MRPS25: variants seen among roughly 807,000 people sequenced by gnomAD.
MRPS25 encodes mitochondrial ribosomal protein S25.
MRPS25 carries 15 observed loss-of-function variants against 17.3 expected under a neutral mutation model. The observed-to-expected ratio is 0.87, with a 90% CI of 0.58 to 1.34. The LOEUF (loss-of-function observed/expected upper bound fraction) is 1.34, where lower values mean the gene tolerates loss of function less well. Among genes scored for constraint, MRPS25 ranks in the 40% most tolerant of loss-of-function variants. MRPS25 has a pLI of 0.00. For missense variants in MRPS25, 225 were observed against 218.6 expected (o/e 1.03, Z -0.19); for synonymous variants, 94 against 83.3 (o/e 1.13, Z -0.70).
At position 15,050,876 on chromosome 3, in the gene MRPS25, T is replaced by C. The variant is rs2042594243; in HGVS notation, c.*1565A>G. The C allele has an allele frequency of 1.0e-6, 1 of 985,260 alleles. No individual in the cohort carries two copies. 61.0% of individuals were successfully genotyped at this position (985,260 alleles called of 1,614,324 possible). On this transcript the variant is annotated 3_prime_UTR_variant, in exon 4 of 4. Transcript: ENST00000253686. ...ATCTGCTCAATTTAATGTGATAATC[T>C]CCAACAGTTAATGAAACACATCGTA...
In MRPS25 at chr3:15,052,290, CT is replaced by C. The variant is rs2042615551; in HGVS notation, c.*150del. 5 of 1,422,348 alleles carry C rather than the reference CT, an allele frequency of 3.5e-6. No homozygotes were observed. The highest frequency in any genetic ancestry group is 4.6e-6 in the Non-Finnish European group (5 of 1,089,748). 88.1% of individuals were successfully genotyped at this position (1,422,348 alleles called of 1,614,324 possible). A position where few individuals can be genotyped will look rare whatever the true frequency, so the allele number is the denominator to read the frequency against. ...GCTTCAGACCCTCCTCTCCCACATC[CT>C]TTTACACAGGTGTGTAAAGTCCTTT... On this transcript the variant is annotated 3_prime_UTR_variant, in exon 4 of 4. Transcript: ENST00000253686.
chr3:15,059,652 C>T (rs1457014585), intron 1 of MRPS25, among the ~76,000 whole-genome samples, 177 bp from the exon 2 acceptor site: 1 of 152,080 alleles, frequency 6.6e-6, no homozygotes. Flanking sequence ...GCGTGGGGAC[C>T]CCTGGGCAGG....
chr3:15,044,906 ATTC>A (rs2125112956), downstream of MRPS25: 1 of 152,328 alleles, frequency 6.6e-6, no homozygotes, highest in South Asian at 2.1e-4. Context: ...CAACTTCTAA[ATTC>A]TTGTTTGGAT....
In MRPS25 at chr3:15,051,079, ATTC is replaced by A; in HGVS notation, c.*1359_*1361del. ...TGTCAAGCACCACTGTCCTTTTTTA[ATTC>A]TTTTAACCACTGCCTTCCTGTCTCA... On this transcript the variant is annotated 3_prime_UTR_variant, in exon 4 of 4. Coordinates refer to ENST00000253686, the MANE Select transcript of MRPS25 (RefSeq NM_022497.5). The A allele has an allele frequency of 1.0e-6, 1 of 985,222 alleles. No individual in the cohort carries two copies. The highest frequency in any genetic ancestry group is 1.2e-6 in the Non-Finnish European group (1 of 829,758). 61.0% of individuals were successfully genotyped at this position (985,222 alleles called of 1,614,324 possible). A position where few individuals can be genotyped will look rare whatever the true frequency, so the allele number is the denominator to read the frequency against.
chr3:15,051,428 C>G lies in MRPS25; in HGVS notation c.*1013G>C. The G allele has an allele frequency of 1.1e-6, 1 of 898,588 alleles. No homozygotes were observed. The highest frequency in any genetic ancestry group is 1.3e-6 in the Non-Finnish European group (1 of 750,788). The allele number at this position is 898,588 out of a possible 1,614,324, so 55.7% of individuals were successfully genotyped here. On this transcript the variant is annotated 3_prime_UTR_variant, in exon 4 of 4. Transcript: ENST00000253686. Reference sequence around the variant, plus strand: ...CGAACTCCTGGGCTCAACTATCCGCCCACATCAGCCTCCCAAAGTGCTGGG... The same window carrying G: ...CGAACTCCTGGGCTCAACTATCCGCGCACATCAGCCTCCCAAAGTGCTGGG...
intron 2 of MRPS25, among the ~76,000 whole-genome samples, chr3:15,054,629 T>C (rs1184079581): frequency 3.3e-5 from 5 of 152,012 alleles, no homozygotes; most frequent in South Asian, 2.1e-4. Context: ...CAGGAGAAAA[T>C]TGTCATGACC....
At chr3:15,055,703 G>A (rs556406256) in intron 2 of MRPS25, among the ~76,000 whole-genome samples, 1 of 152,114 alleles carries the variant, frequency 6.6e-6, no homozygotes, top group Admixed American at 6.5e-5. Flanking sequence ...ACTCAACCTC[G>A]GCAACAGTGA....
rs2042577088 is a variant in MRPS25 at position 15,049,832 on chromosome 3, C to G, written c.*2609G>C. ...TGCAGTGGTACAGTCATGGCTCACTCCAGCCTCAACCTCCTGGGCTCAAGT... is the reference window on the plus strand; with the variant it reads ...TGCAGTGGTACAGTCATGGCTCACTGCAGCCTCAACCTCCTGGGCTCAAGT... On this transcript the variant is annotated 3_prime_UTR_variant, in exon 4 of 4. Coordinates refer to ENST00000253686, the MANE Select transcript of MRPS25 (RefSeq NM_022497.5). 1 of 1,165,554 alleles carries G rather than the reference C, an allele frequency of 8.6e-7. No individual in the cohort carries two copies. The highest frequency in any genetic ancestry group is 1.5e-5 in the African/African-American group (1 of 65,318). 72.2% of individuals were successfully genotyped at this position (1,165,554 alleles called of 1,614,324 possible).
Position 15,065,197 on chromosome 3 carries a change from C to A in MRPS25, c.-3G>T. The A allele has an allele frequency of 6.3e-7, 1 of 1,592,272 alleles. No homozygotes were observed. The highest frequency in any genetic ancestry group is 8.5e-7 in the Non-Finnish European group (1 of 1,170,690). On this transcript the variant is annotated 5_prime_UTR_variant, in exon 1 of 4. Transcript: ENST00000253686. Reference sequence around the variant, plus strand: ...GGGAAGCGGCCCTTCATGGGCATGGCGGCAACGGTGGCGGGGCCGACCCCA... The same window carrying A: ...GGGAAGCGGCCCTTCATGGGCATGGAGGCAACGGTGGCGGGGCCGACCCCA...
chr3:15,054,328 A>C (rs1298206719), intron 2 of MRPS25, among the ~76,000 whole-genome samples: 1 of 152,252 alleles, frequency 6.6e-6, no homozygotes, highest in African/African-American at 2.4e-5. Context: ...CAATGAAGAA[A>C]GATAATCGTT....
rs753966063 is a variant in MRPS25, at chr3:15,065,228, C to G, written c.-34G>C. ...CGGTGGCGGGGCCGACCCCACGGGC[C>G]GCGAGCCGAGCAGCGACGAGAAAGG... On this transcript the variant is annotated 5_prime_UTR_variant, in exon 1 of 4. Coordinates refer to ENST00000253686, the MANE Select transcript of MRPS25 (RefSeq NM_022497.5). The G allele has an allele frequency of 6.4e-7, 1 of 1,553,482 alleles. No individual in the cohort carries two copies. The highest frequency in any genetic ancestry group is 2.4e-5 in the East Asian group (1 of 41,516).
chr3:15,051,259 C>A lies in MRPS25; in HGVS notation c.*1182G>T. The A allele has an allele frequency of 1.1e-6, 1 of 875,858 alleles. No individual in the cohort carries two copies. The highest frequency in any genetic ancestry group is 5.2e-5 in the South Asian group (1 of 19,154). 54.3% of individuals were successfully genotyped at this position (875,858 alleles called of 1,614,324 possible). On this transcript the variant is annotated 3_prime_UTR_variant, in exon 4 of 4. Coordinates refer to ENST00000253686, the MANE Select transcript of MRPS25 (RefSeq NM_022497.5). ...AGTGCAGTAGCGCACGATCATGATTCACTGCAGCCTTGATCTCGCAGGCTC... is the reference window on the plus strand; with the variant it reads ...AGTGCAGTAGCGCACGATCATGATTAACTGCAGCCTTGATCTCGCAGGCTC...
At position 15,051,063 on chromosome 3, in the gene MRPS25, C is replaced by T. The variant is rs557593458; in HGVS notation, c.*1378G>A. The T allele has an allele frequency of 1.0e-6, 1 of 984,028 alleles. No homozygotes were observed. Among genetic ancestry groups the T allele is most frequent in the East Asian group, 1.1e-4 (1 of 8,816 alleles). 61.0% of individuals were successfully genotyped at this position (984,028 alleles called of 1,614,324 possible). On this transcript the variant is annotated 3_prime_UTR_variant, in exon 4 of 4. Coordinates refer to ENST00000253686, the MANE Select transcript of MRPS25 (RefSeq NM_022497.5). ...AACTTCAGTCCTGCTCTGTCAAGCA[C>T]CACTGTCCTTTTTTAATTCTTTTAA...
rs993423703 is a variant in MRPS25 at position 15,048,918 on chromosome 3, T to C, written c.*3523A>G. On this transcript the variant is annotated 3_prime_UTR_variant, in exon 4 of 4. Transcript: ENST00000253686. ...TTAGATTTTCTTGGGACCGTTTCTG[T>C]AACCTTTGCCCTTCACAATATAGAA... 2 of 152,686 alleles carry C rather than the reference T, an allele frequency of 1.3e-5. No individual in the cohort carries two copies. The highest frequency in any genetic ancestry group is 3.2e-3 in the Middle Eastern group (1 of 316). 9.5% of individuals were successfully genotyped at this position (152,686 alleles called of 1,614,324 possible).
intron 2 of MRPS25, among the ~76,000 whole-genome samples, chr3:15,058,653 C>T (rs141657584): frequency 2.4e-3 from 358 of 152,300 alleles, no homozygotes; most frequent in African/African-American, 8.1e-3. Context: ...AATGAAAAAA[C>T]ATGGTCATTT....
In MRPS25 at chr3:15,049,903, G is replaced by C; in HGVS notation, c.*2538C>G. The C allele has an allele frequency of 6.5e-7, 1 of 1,531,176 alleles. No individual in the cohort carries two copies. The highest frequency in any genetic ancestry group is 1.2e-5 in the South Asian group (1 of 83,456). 94.8% of individuals were successfully genotyped at this position (1,531,176 alleles called of 1,614,324 possible). ...CTGAGTAACTGGGACCACAGCAGAT[G>C]ATACAGGTTTAGATGGTGCTGCCAG... is the stretch of plus-strand genomic sequence containing the variant. On this transcript the variant is annotated 3_prime_UTR_variant, in exon 4 of 4. Coordinates refer to ENST00000253686, the MANE Select transcript of MRPS25 (RefSeq NM_022497.5).
At chr3:15,058,781 A>G (rs1331984782) in intron 2 of MRPS25, among the ~76,000 whole-genome samples, 2 of 152,162 alleles carry the variant, frequency 1.3e-5, no homozygotes, top group Non-Finnish European at 2.9e-5. Context: ...TCAGGATCAA[A>G]GTGTCTGAGA....
rs755292903 is a variant in MRPS25, at chr3:15,065,110, C to T, written c.85G>A (p.Val29Ile). 14 of 1,609,028 alleles carry T rather than the reference C, an allele frequency of 8.7e-6. No individual in the cohort carries two copies. Among genetic ancestry groups the T allele is most frequent in the East Asian group, 6.7e-5 (3 of 44,696 alleles). Reference protein sequence around the residue: ...GNVVFKDSVKVMTVNYNTHGE... With the variant: ...GNVVFKDSVKIMTVNYNTHGE... ...TGCGTGTTGTAATTCACTGTCATGA[C>T]CTTCACGGAGTCCTTGAACACCACG... Residue 29 changes from valine (V) to isoleucine (I), a missense_variant, in exon 1 of 4, where the codon GTC becomes ATC. Coordinates refer to ENST00000253686, the MANE Select transcript of MRPS25 (RefSeq NM_022497.5).
chr3:15,050,148 C>CT lies in MRPS25; in HGVS notation c.*2292dup. The CT allele has an allele frequency of 7.5e-7, 1 of 1,334,478 alleles. No individual in the cohort carries two copies. Among genetic ancestry groups the CT allele is most frequent in the Non-Finnish European group, 9.5e-7 (1 of 1,052,126 alleles). 82.7% of individuals were successfully genotyped at this position (1,334,478 alleles called of 1,614,324 possible). ...GAGAAACTATCCAGGATCAAGTAGCCTACAGGGAACAAAAAAAGAAAATAA... is the reference window on the plus strand; with the variant it reads ...GAGAAACTATCCAGGATCAAGTAGCCTTACAGGGAACAAAAAAAGAAAATAA... On this transcript the variant is annotated 3_prime_UTR_variant, in exon 4 of 4. Coordinates refer to ENST00000253686, the MANE Select transcript of MRPS25 (RefSeq NM_022497.5).
Sources: gnomAD v4.1 joint callset for allele counts (sites outside exome capture counted in the v4.1 genomes callset) on GRCh38, gnomAD v4.1.1 for gene constraint, MANE v1.5 for transcripts, NCBI Gene and HGNC (gene_info 2026-07-23, HGNC 2026-07-21) for gene names.